RNF180: variants seen among roughly 807,000 people sequenced by gnomAD.
RNF180 encodes ring finger protein 180.
Under a neutral mutation model 59.2 loss-of-function variants are expected in RNF180, and 38 were observed. That is an observed-to-expected ratio of 0.64 (90% CI 0.50 to 0.84). The LOEUF is 0.84. Ranked by LOEUF, RNF180 falls within the 40% of genes least tolerant of loss-of-function variation. The probability of loss-of-function intolerance (pLI) is 0.00; values close to 1 mark genes in which losing one functional copy is unlikely to be tolerated. For synonymous variants in RNF180, 262 were observed against 240.3 expected (o/e 1.09, Z -0.84); for missense variants, 705 against 700.9 (o/e 1.01, Z -0.07).
chr5:64,192,629 G>A (rs868226341), intron 1 of RNF180, among the ~76,000 whole-genome samples: 4 of 151,974 alleles, frequency 2.6e-5, no homozygotes, highest in African/African-American at 4.8e-5. Context: ...CCGAGATCGC[G>A]CCACTGCACT....
At chr5:64,256,056 T>C (rs1378059148) in intron 5 of RNF180, among the ~76,000 whole-genome samples, 1 of 152,194 alleles carries the variant, frequency 6.6e-6, no homozygotes, top group Non-Finnish European at 1.5e-5. Context: ...TGTTTGTTTT[T>C]TTCTTGTAAA....
chr5:64,271,651 A>T (rs1021682739), intron 5 of RNF180, among the ~76,000 whole-genome samples: 7 of 152,060 alleles, frequency 4.6e-5, no homozygotes, highest in Non-Finnish European at 7.4e-5. Context: ...CCCACAGTGG[A>T]TACAATGGAG....
intron 1 of RNF180, among the ~76,000 whole-genome samples, chr5:64,179,424 T>C (rs1028696015): frequency 7.1e-6 from 1 of 140,690 alleles, no homozygotes; most frequent in African/African-American, 2.6e-5. Flanking sequence ...GTGCATGTTC[T>C]TATGCTTTTG....
At chr5:64,198,162 C>G (rs894750191) in intron 1 of RNF180, among the ~76,000 whole-genome samples, 1 of 152,144 alleles carries the variant, frequency 6.6e-6, no homozygotes, top group South Asian at 2.1e-4. Context: ...AGTATTATTT[C>G]AACATGTACT....
Position 64,214,381 on chromosome 5 carries a change from T to C in RNF180, c.1055T>C (p.Leu352Pro), listed in dbSNP as rs191222568. 1 of 1,613,966 alleles carries C rather than the reference T, an allele frequency of 6.2e-7. No homozygotes were observed. Among genetic ancestry groups the C allele is most frequent in the East Asian group, 2.2e-5 (1 of 44,864 alleles). ...GAGGCCTCAGACCAGGAAGAGCACC[T>C]CTCCCCTCTGGACTTCCTGCACTCA... ...MPEASDQEEH[L>P]SPLDFLHSAN... Residue 352 changes from leucine to proline, a missense_variant, in exon 4 of 8, where the codon CTC becomes CCC. Coordinates refer to ENST00000389100, the MANE Select transcript of RNF180 (RefSeq NM_001113561.2).
chr5:64,316,282 T>C (rs1744039534), intron 5 of RNF180, among the ~76,000 whole-genome samples: 1 of 152,176 alleles, frequency 6.6e-6, no homozygotes, highest in South Asian at 2.1e-4. Context: ...CAGGAGTCTG[T>C]GAATCACACT....
intron 3 of RNF180, among the ~76,000 whole-genome samples, chr5:64,212,608 T>G (rs1419779195): frequency 1.3e-5 from 2 of 152,176 alleles, no homozygotes; most frequent in Non-Finnish European, 2.9e-5. Flanking sequence ...GTATGTGTTA[T>G]TCATATGTAT....
chr5:64,330,146 A>G (rs923036973), intron 6 of RNF180, 135 bp from the exon 7 acceptor site: 4 of 664,128 alleles, frequency 6.0e-6, no homozygotes, highest in Non-Finnish European at 2.6e-6. Context: ...TGTTGAATCT[A>G]TTTTTGTCTT....
chr5:64,210,307 C>T (rs1343195023), intron 2 of RNF180, among the ~76,000 whole-genome samples: 2 of 152,102 alleles, frequency 1.3e-5, no homozygotes, highest in East Asian at 3.9e-4. Context: ...GATGCAGGCT[C>T]TTTCCTTCAG....
At chr5:64,224,118 T>C (rs766142171) in intron 5 of RNF180, among the ~76,000 whole-genome samples, 17 of 151,946 alleles carry the variant, frequency 1.1e-4, no homozygotes, top group Non-Finnish European at 2.4e-4. Flanking sequence ...TACATATTTA[T>C]ATCTCAAGTT....
At chr5:64,263,688 CTAATT>C (rs1272041220) in intron 5 of RNF180, among the ~76,000 whole-genome samples, 2 of 151,912 alleles carry the variant, frequency 1.3e-5, no homozygotes, top group Non-Finnish European at 2.9e-5. Context: ...TTTATTTTAC[CTAATT>C]TACTTACTTG....
At chr5:64,339,311 G>A (rs1007473441) in intron 7 of RNF180, among the ~76,000 whole-genome samples, 1 of 151,912 alleles carries the variant, frequency 6.6e-6, no homozygotes, top group South Asian at 2.1e-4. Flanking sequence ...GACTTTCTAA[G>A]TCAGTTTGCA....
chr5:64,258,498 A>C (rs1744122516), intron 5 of RNF180, among the ~76,000 whole-genome samples: 2 of 152,120 alleles, frequency 1.3e-5, no homozygotes, highest in African/African-American at 4.8e-5. Flanking sequence ...AGCTAGTTAG[A>C]TATAATGGTT....
At chr5:64,176,107 T>A (rs1006344126) in intron 1 of RNF180, among the ~76,000 whole-genome samples, 20 of 152,300 alleles carry the variant, frequency 1.3e-4, no homozygotes, top group Non-Finnish European at 2.4e-4. Context: ...ATCCTGGGCC[T>A]TTACTTTGAT....
intron 3 of RNF180, among the ~76,000 whole-genome samples, chr5:64,212,421 A>G (rs1194200444): frequency 6.6e-6 from 1 of 152,014 alleles, no homozygotes; most frequent in Non-Finnish European, 1.5e-5. Context: ...TGACATATAT[A>G]TTATTATACA....
chr5:64,304,160 CAG>C (rs35464898), intron 5 of RNF180, among the ~76,000 whole-genome samples: 38,046 of 151,368 alleles, frequency 0.25, 4,904 homozygotes, highest in Middle Eastern at 0.32. Context: ...TTCAAAATAT[CAG>C]TGCTTGTTGA....
intron 5 of RNF180, among the ~76,000 whole-genome samples, chr5:64,258,888 A>C (rs1207194760): frequency 6.6e-6 from 1 of 152,214 alleles, no homozygotes; most frequent in Non-Finnish European, 1.5e-5. Context: ...TAAAGAAACA[A>C]GAGGTGTTAG....
At chr5:64,232,375 TA>T (rs1171423682) in intron 5 of RNF180, among the ~76,000 whole-genome samples, 1 of 152,166 alleles carries the variant, frequency 6.6e-6, no homozygotes, top group Non-Finnish European at 1.5e-5. Flanking sequence ...AAGTCTGGGA[TA>T]GGCCCCAGAC....
chr5:64,347,133 T>G (rs1745589200), intron 7 of RNF180, among the ~76,000 whole-genome samples: 1 of 152,192 alleles, frequency 6.6e-6, no homozygotes. Context: ...GAAACTACAG[T>G]GCAAATTTAA....
Sources: allele counts gnomAD v4.1 joint callset (sites outside exome capture counted in the v4.1 genomes callset), GRCh38; gene constraint gnomAD v4.1.1; transcripts MANE v1.5; gene names NCBI Gene and HGNC (gene_info 2026-07-23, HGNC 2026-07-21).